Variants in DSCAM observed in about 807,000 individuals in gnomAD.
DSCAM encodes cell adhesion molecule DSCAM.
DSCAM carries 47 observed loss-of-function variants against 217.7 expected under a neutral mutation model. The observed-to-expected ratio is 0.22, with a 90% CI of 0.17 to 0.28. The LOEUF is 0.28. Ranked by LOEUF, DSCAM falls within the 10% of genes least tolerant of loss-of-function variation. The probability of loss-of-function intolerance (pLI) is 1.00; values close to 1 mark genes in which losing one functional copy is unlikely to be tolerated. For synonymous variants in DSCAM, 1,056 were observed against 1,015.3 expected (o/e 1.04, Z -0.76); for missense variants, 2,080 against 2,618.3 (o/e 0.79, Z 4.49).
At position 40,448,840 on chromosome 21, in the gene DSCAM, T is replaced by A. The variant is rs191481640; in HGVS notation, c.509-79595A>T. 9.3e-3 allele frequency among the ~76,000 whole-genome samples: 1,414 copies of A among 152,268 alleles called. 16 individuals are homozygous for A. Among genetic ancestry groups the A allele is most frequent in the South Asian group, 0.021 (102 of 4,820 alleles). On this transcript the variant is annotated intron_variant, in intron 3 of 32. Transcript: ENST00000400454. ...TAAATCTTGTTCATATTTATTTTGTTTTCTTGTTGCTGCTATAACAAACTG... is the reference window on the plus strand; with the variant it reads ...TAAATCTTGTTCATATTTATTTTGTATTCTTGTTGCTGCTATAACAAACTG...
At chr21:40,556,602 G>T (rs895450708) in intron 3 of DSCAM, among the ~76,000 whole-genome samples, 1 of 152,158 alleles carries the variant, frequency 6.6e-6, no homozygotes, top group Non-Finnish European at 1.5e-5. Context: ...ACTCATGGTG[G>T]AAGGCAAAGG....
chr21:40,139,810 GGT>G (rs748843244), intron 18 of DSCAM, among the ~76,000 whole-genome samples: 27 of 150,306 alleles, frequency 1.8e-4, no homozygotes, highest in East Asian at 7.8e-4. Flanking sequence ...GTGTATGTGT[GGT>G]GTGTGTGTGT....
chr21:40,811,455 C>A (rs1202815903), intron 1 of DSCAM, among the ~76,000 whole-genome samples: 3 of 152,170 alleles, frequency 2.0e-5, no homozygotes, highest in Non-Finnish European at 4.4e-5. Flanking sequence ...ATTATTCTTA[C>A]AAGTTCATCA....
intron 18 of DSCAM, among the ~76,000 whole-genome samples, chr21:40,136,809 C>T (rs1443721363): frequency 2.6e-5 from 4 of 152,112 alleles, no homozygotes; most frequent in Non-Finnish European, 5.9e-5. Flanking sequence ...ACTCTTGAAT[C>T]AGACAGAATG....
intron 3 of DSCAM, among the ~76,000 whole-genome samples, chr21:40,659,353 GTATC>G (rs55878811): frequency 0.033 from 4,846 of 148,460 alleles, 145 homozygotes; most frequent in African/African-American, 0.083. Flanking sequence ...GATCAGATGA[GTATC>G]TATCTATCTA....
At chr21:40,539,298 A>G (rs1165772073) in intron 3 of DSCAM, among the ~76,000 whole-genome samples, 2 of 151,830 alleles carry the variant, frequency 1.3e-5, no homozygotes, top group African/African-American at 2.4e-5. Context: ...AGGTCAGGAG[A>G]TTGAGACCAT....
intron 3 of DSCAM, among the ~76,000 whole-genome samples, chr21:40,398,331 T>TAAA (rs2075201018): frequency 2.0e-5 from 3 of 152,204 alleles, no homozygotes; most frequent in Admixed American, 1.3e-4. Context: ...CGGATCCCTT[T>TAAA]TGCAGTTGAC....
intron 15 of DSCAM, among the ~76,000 whole-genome samples, chr21:40,169,980 T>C (rs148625941): frequency 2.4e-4 from 36 of 152,304 alleles, no homozygotes; most frequent in African/African-American, 8.7e-4. Flanking sequence ...CTGGTCTCTA[T>C]TGTACTCTTT....
At chr21:40,692,730 C>A in intron 3 of DSCAM, 80 bp downstream of exon 3, 1 of 1,503,644 alleles carries the variant, frequency 6.7e-7, no homozygotes, top group Non-Finnish European at 9.1e-7. Context: ...AACACATAAA[C>A]GGAGACCCGA....
At chr21:40,801,468 C>T (rs2091739830) in intron 1 of DSCAM, among the ~76,000 whole-genome samples, 1 of 152,106 alleles carries the variant, frequency 6.6e-6, no homozygotes, top group East Asian at 1.9e-4. Flanking sequence ...GGTGCTTTTC[C>T]TCAAGATAGC....
At chr21:40,670,576 A>G (rs888852468) in intron 3 of DSCAM, among the ~76,000 whole-genome samples, 1 of 151,716 alleles carries the variant, frequency 6.6e-6, no homozygotes, top group African/African-American at 2.4e-5. Context: ...ACCTCATATA[A>G]GTGGAATCAT....
At chr21:40,522,434 T>C (rs1484254833) in intron 3 of DSCAM, among the ~76,000 whole-genome samples, 2 of 152,242 alleles carry the variant, frequency 1.3e-5, no homozygotes, top group Non-Finnish European at 2.9e-5. Flanking sequence ...CTACAAAATG[T>C]ATTTAATAAG....
intron 15 of DSCAM, among the ~76,000 whole-genome samples, chr21:40,177,830 G>T (rs8130803): frequency 1.3e-5 from 2 of 152,034 alleles, no homozygotes; most frequent in African/African-American, 4.8e-5. Context: ...GCAGAGATGA[G>T]GTGGTGGGAA....
chr21:40,052,618 TAAAAG>T (rs746981451), intron 29 of DSCAM, among the ~76,000 whole-genome samples: 5 of 152,162 alleles, frequency 3.3e-5, no homozygotes, highest in African/African-American at 4.8e-5. Context: ...GGAGGGGAAA[TAAAAG>T]AGAAGAAAAC....
chr21:40,535,685 T>C (rs957303057), intron 3 of DSCAM, among the ~76,000 whole-genome samples: 1 of 152,186 alleles, frequency 6.6e-6, no homozygotes, highest in Admixed American at 6.5e-5. Context: ...ATCCTTGCCC[T>C]TGAGAAGCTC....
At chr21:40,831,676 T>C (rs2092012963) in intron 1 of DSCAM, among the ~76,000 whole-genome samples, 1 of 152,216 alleles carries the variant, frequency 6.6e-6, no homozygotes, top group Non-Finnish European at 1.5e-5. Context: ...AAAGATTCTA[T>C]CCTGTAATAT....
chr21:40,246,197 A>G (rs117460604), intron 11 of DSCAM, among the ~76,000 whole-genome samples: 597 of 151,480 alleles, frequency 3.9e-3, no homozygotes, highest in Non-Finnish European at 6.7e-3. Flanking sequence ...AGAATCCCAT[A>G]CTCACTTCCT....
At chr21:40,259,378 T>C (rs1224343633) in intron 11 of DSCAM, among the ~76,000 whole-genome samples, 1 of 152,074 alleles carries the variant, frequency 6.6e-6, no homozygotes, top group Non-Finnish European at 1.5e-5. Context: ...GGAATGCATA[T>C]GGCTTCCCTC....
rs67361149 is a variant in DSCAM at position 40,642,042 on chromosome 21, CA to C, written c.508+50767del. 1.0e-3 allele frequency among the ~76,000 whole-genome samples: 90 copies of C among 89,222 alleles called. 1 individual carries two copies. Among genetic ancestry groups the C allele is most frequent in the Middle Eastern group, 7.0e-3 (1 of 142 alleles). The allele number at this position is 89,222 out of a possible 152,430, so 58.5% of individuals were successfully genotyped here. A position where few individuals can be genotyped will look rare whatever the true frequency, so the allele number is the denominator to read the frequency against. On this transcript the variant is annotated intron_variant, in intron 3 of 32. Transcript: ENST00000400454. ...TGCCTGGGTGACAGAGACTCTGTCT[CA>C]AAAAAAAAAAAAAAAACAAAGATTA...
Sources: allele counts gnomAD v4.1 joint callset (sites outside exome capture counted in the v4.1 genomes callset), GRCh38; gene constraint gnomAD v4.1.1; transcripts MANE v1.5; gene names NCBI Gene and HGNC (gene_info 2026-07-23, HGNC 2026-07-21).